The following KIRREL1 variants were observed in gnomAD, a reference collection of about 807,000 sequenced individuals.
KIRREL1 encodes kin of IRRE-like protein 1.
A neutral mutation model predicts 83.3 loss-of-function variants in KIRREL1; 25 were observed. The observed-to-expected ratio is 0.30, with a 90% CI of 0.22 to 0.42. KIRREL1 has a LOEUF of 0.42. KIRREL1 is among the 10% of genes least tolerant of loss of function. The pLI, the probability that KIRREL1 is intolerant of heterozygous loss-of-function variation, is 1.00. For missense variants in KIRREL1, 812 were observed against 1,032.3 expected, an observed-to-expected ratio of 0.79 and a Z score of 2.92; for synonymous variants, 388 against 410.4, an observed-to-expected ratio of 0.95 and a Z score of 0.66.
At position 158,093,439 on chromosome 1, in the gene KIRREL1, C is replaced by A. The variant is rs1662259705; in HGVS notation, c.1572C>A (p.Arg524=). The A allele has an allele frequency of 6.2e-7, 1 of 1,614,132 alleles. No homozygotes were observed. Among genetic ancestry groups the A allele is most frequent in the African/African-American group, 1.3e-5 (1 of 75,074 alleles). ...TGGTATTCTTCCTCTACCGGCGCCG[C>A]AAAGGCAGTGAGTATGGGCCCTGTG... ...IALVFFLYRR[R]KGSRKDVTLR... is the part of the protein sequence containing the mutation. The change falls in exon 12 of 15, where the codon CGC becomes CGA. Residue 524 remains arginine, a synonymous_variant. Transcript: ENST00000359209.
chr1:157,997,133 G>T (rs1249992814), intron 1 of KIRREL1, among the ~76,000 whole-genome samples: 1 of 152,170 alleles, frequency 6.6e-6, no homozygotes, highest in East Asian at 1.9e-4. Context: ...TGATGAGCGC[G>T]CTGCAGTGCT....
intron 1 of KIRREL1, among the ~76,000 whole-genome samples, chr1:158,023,868 G>T (rs1660075603): frequency 6.6e-6 from 1 of 152,238 alleles, no homozygotes; most frequent in Admixed American, 6.5e-5. Flanking sequence ...GTGTCCTGTT[G>T]TCAAATATCT....
At chr1:158,019,249 A>G (rs1659930816) in intron 1 of KIRREL1, among the ~76,000 whole-genome samples, 1 of 152,208 alleles carries the variant, frequency 6.6e-6, no homozygotes, top group Non-Finnish European at 1.5e-5. Flanking sequence ...GAGAAGGAAT[A>G]AAGAGCTGAG....
At chr1:158,038,980 A>T (rs1660550902) in intron 1 of KIRREL1, among the ~76,000 whole-genome samples, 2 of 152,216 alleles carry the variant, frequency 1.3e-5, no homozygotes, top group South Asian at 4.1e-4. Flanking sequence ...CAGCAGATAG[A>T]GAGGGCTGCT....
intron 1 of KIRREL1, among the ~76,000 whole-genome samples, chr1:158,012,979 C>T (rs981508362): frequency 6.6e-6 from 1 of 152,180 alleles, no homozygotes; most frequent in African/African-American, 2.4e-5. Context: ...CCCCAGTCTC[C>T]AGGTGTGACA....
Position 158,096,578 on chromosome 1 carries a change from A to G in KIRREL1, c.*1458A>G, listed in dbSNP as rs778658873. 1 of 456,870 alleles carries G rather than the reference A, an allele frequency of 2.2e-6. No homozygotes were observed. Among genetic ancestry groups the G allele is most frequent in the South Asian group, 1.5e-5 (1 of 64,556 alleles). The allele number at this position is 456,870 out of a possible 1,614,324, so 28.3% of individuals were successfully genotyped here. ...GGGCCTGGAAATGGCCCTGACAGAGAACTTGTGCTGACCGGGAGAAGGTGG... is the reference window on the plus strand; with the variant it reads ...GGGCCTGGAAATGGCCCTGACAGAGGACTTGTGCTGACCGGGAGAAGGTGG... On this transcript the variant is annotated 3_prime_UTR_variant, in exon 15 of 15. Coordinates refer to ENST00000359209, the MANE Select transcript of KIRREL1 (RefSeq NM_018240.7).
rs533692157 is a variant in KIRREL1 at position 158,018,477 on chromosome 1, C to T, written c.52+24749C>T. ...GCCATGGAGCCAGGAGGCATCAGAG[C>T]GTGAGATGGTGCCAACCTGGGAATG... On this transcript the variant is annotated intron_variant, in intron 1 of 14. Transcript: ENST00000359209. Among the ~76,000 whole-genome samples the T allele has an allele frequency of 3.9e-5, 6 of 152,212 alleles. No homozygotes were observed. The East Asian group carries it at 1.2e-3, about 29-fold the overall frequency.
Position 158,095,302 on chromosome 1 carries a change from G to T in KIRREL1, c.*182G>T. The T allele has an allele frequency of 1.7e-6, 1 of 575,040 alleles. No homozygotes were observed. Among genetic ancestry groups the T allele is most frequent in the East Asian group, 2.9e-5 (1 of 34,620 alleles). The allele number at this position is 575,040 out of a possible 1,614,324, so 35.6% of individuals were successfully genotyped here. ...GTCCCGAGGATGGTGCTCTGTGCAT[G>T]CCCCAGCCTCCTGGGCCTGCCCTTC... On this transcript the variant is annotated 3_prime_UTR_variant, in exon 15 of 15. Transcript: ENST00000359209.
At chr1:158,015,124 C>G (rs1191911622) in intron 1 of KIRREL1, among the ~76,000 whole-genome samples, 1 of 152,146 alleles carries the variant, frequency 6.6e-6, no homozygotes, top group Non-Finnish European at 1.5e-5. Flanking sequence ...ACTCCTACCC[C>G]AGACATCACA....
At chr1:158,059,352 C>A (rs1409004666) in intron 1 of KIRREL1, among the ~76,000 whole-genome samples, 1 of 152,150 alleles carries the variant, frequency 6.6e-6, no homozygotes, top group Non-Finnish European at 1.5e-5. Flanking sequence ...TAGCACCCAG[C>A]CTCTGGGACA....
At chr1:158,083,615 G>A (rs1661928516) in intron 3 of KIRREL1, among the ~76,000 whole-genome samples, 1 of 152,198 alleles carries the variant, frequency 6.6e-6, no homozygotes, top group Admixed American at 6.5e-5. Context: ...AAAATAACCT[G>A]CTAGCAGTGT....
intron 1 of KIRREL1, among the ~76,000 whole-genome samples, chr1:158,007,613 G>A (rs1324355120): frequency 1.3e-5 from 2 of 152,088 alleles, no homozygotes; most frequent in Non-Finnish European, 2.9e-5. Flanking sequence ...TGAAGAAGAA[G>A]AGCTCGTGTG....
At position 158,094,343 on chromosome 1, in the gene KIRREL1, G is replaced by A. The variant is rs778087275; in HGVS notation, c.1750G>A (p.Asp584Asn). The A allele has an allele frequency of 5.0e-6, 8 of 1,611,636 alleles. No individual in the cohort carries two copies. In the South Asian group the frequency reaches 8.9e-5, roughly 18 times the overall value. ...TAAGGATGATGTGGATCTGAAGCAG[G>A]ACCTGCGCTGCGACACCATCGACAC... ...SFKDDVDLKQDLRCDTIDTRE... is the reference protein window; with the variant it reads ...SFKDDVDLKQNLRCDTIDTRE... Residue 584 changes from aspartate to asparagine, a missense_variant, in exon 14 of 15, where the codon GAC (aspartate) becomes AAC (asparagine). By Grantham distance (23) the Asp-to-Asn change is conservative. This residue lies in a region of KIRREL1 where 334 missense variants were observed against 383.7 expected (regional missense o/e 0.87). Transcript: ENST00000359209. This position sits in a 1 kb window ranked among gnomAD's most constrained non-coding sequence, Gnocchi z 4.6.
intron 1 of KIRREL1, among the ~76,000 whole-genome samples, chr1:158,004,839 G>A (rs1044133345): frequency 6.6e-6 from 1 of 152,200 alleles, no homozygotes. Context: ...AGCTACTCTG[G>A]AGGCTGAGGT....
chr1:157,995,943 A>G (rs1223239375), intron 1 of KIRREL1, among the ~76,000 whole-genome samples: 2 of 151,852 alleles, frequency 1.3e-5, no homozygotes, highest in Non-Finnish European at 2.9e-5. Flanking sequence ...ACTGGGACAC[A>G]CATGGGGGTG....
Position 158,089,510 on chromosome 1 carries a change from T to C in KIRREL1, c.1053T>C (p.Ser351=). The C allele has an allele frequency of 6.2e-7, 1 of 1,614,114 alleles. No individual in the cohort carries two copies. The highest frequency in any genetic ancestry group is 8.5e-7 in the Non-Finnish European group (1 of 1,180,024). The change falls in exon 9 of 15, where the codon AGT becomes AGC. Residue 351 remains serine, a synonymous_variant. Coordinates refer to ENST00000359209, the MANE Select transcript of KIRREL1 (RefSeq NM_018240.7). The stretch of plus-strand genomic sequence containing the variant: ...CTGCTCTCTCTGCCCAGGTCCTGAG[T>C]AACAGCAACCAGCTGCTGCTGAAGT... ...WTKKDSNMVL[S]NSNQLLLKSV...
chr1:158,045,432 G>A (rs6663748), intron 1 of KIRREL1, among the ~76,000 whole-genome samples: 1,939 of 152,326 alleles, frequency 0.013, 41 homozygotes, highest in African/African-American at 0.045. Flanking sequence ...CAACCCCTTT[G>A]GGATCAATAA....
In KIRREL1 at chr1:158,094,277, T is replaced by C; in HGVS notation, c.1720-36T>C. ...GGTGAGGGGCGAAAAGAGCAGGGCT[T>C]CCGTCTGCTGACGTCCCACTCCTGC... On this transcript the variant is annotated intron_variant, in intron 13 of 14. Transcript: ENST00000359209. The surrounding 1 kb of genome is among the most constrained non-coding windows in gnomAD (Gnocchi z 4.6). 6.4e-7 allele frequency: 1 copy of C among 1,563,332 alleles called. No homozygotes were observed. Among genetic ancestry groups the C allele is most frequent in the Non-Finnish European group, 8.7e-7 (1 of 1,149,250 alleles).
intron 13 of KIRREL1, 27 bp downstream of exon 13, chr1:158,093,789 C>T (rs750401037): frequency 1.9e-6 from 3 of 1,612,750 alleles, no homozygotes; most frequent in African/African-American, 2.7e-5. Flanking sequence ...TCTCTGGCCT[C>T]CTGCCTTCTC....
Sources: allele counts gnomAD v4.1 joint callset (sites outside exome capture counted in the v4.1 genomes callset), GRCh38; gene constraint gnomAD v4.1.1; regional missense constraint gnomAD v4.1.1; non-coding constraint Gnocchi (gnomAD v3.1); transcripts MANE v1.5; gene names NCBI Gene and HGNC (gene_info 2026-07-23, HGNC 2026-07-21).